Variants in HOMER2 observed in about 807,000 individuals in gnomAD.
The protein encoded by HOMER2 is homer protein homolog 2.
HOMER2 carries 27 observed loss-of-function variants against 47.0 expected under a neutral mutation model. The ratio of observed to expected loss-of-function variants is 0.57; its 90% CI spans 0.42 to 0.79. The LOEUF is 0.79. Among genes scored for constraint, HOMER2 ranks in the 30% least tolerant of loss-of-function variants. HOMER2 has a pLI of 0.00. For synonymous variants in HOMER2, 161 were observed against 163.8 expected (o/e 0.98, Z 0.13); for missense variants, 443 against 435.0 (o/e 1.02, Z -0.16).
At chr15:82,928,940 T>TAAAAAAAAAAAAAAAAAAACA (rs2053927896) in intron 1 of HOMER2, among the ~76,000 whole-genome samples, 2 of 39,942 alleles carry the variant, frequency 5.0e-5, no homozygotes, top group Non-Finnish European at 8.0e-5. Flanking sequence ...AAATAAAAAC[T>TAAAAAAAAAAAAAAAAAAACA]AAAAAAAAAA....
chr15:82,873,752 C>A (rs543325131), intron 3 of HOMER2, among the ~76,000 whole-genome samples: 1 of 152,236 alleles, frequency 6.6e-6, no homozygotes, highest in Non-Finnish European at 1.5e-5. Flanking sequence ...ACTTCTCAGG[C>A]TTCTAAGGAA....
chr15:82,873,294 A>G (rs3784374), intron 3 of HOMER2, among the ~76,000 whole-genome samples: 18,453 of 152,152 alleles, frequency 0.12, 1,371 homozygotes, highest in East Asian at 0.39. Flanking sequence ...CATCACCAGA[A>G]TAGATACTGT....
At chr15:82,879,113 T>C (rs1414457942) in intron 2 of HOMER2, among the ~76,000 whole-genome samples, 2 of 152,236 alleles carry the variant, frequency 1.3e-5, no homozygotes, top group African/African-American at 4.8e-5. Flanking sequence ...AGTTCTAGAA[T>C]GTCCATTTGG....
rs73446965 is a variant in HOMER2, at chr15:82,895,383, G to A, written c.6-2542C>T. Among the ~76,000 whole-genome samples, 9 of 152,146 alleles carry A rather than the reference G, an allele frequency of 5.9e-5. No individual in the cohort carries two copies. The South Asian group carries it at 6.2e-4, about 11-fold the overall frequency. ...CATCTGCTGTCAAGAGAGGCCAGACGACAGGGAGTGTGTGCATATCAGTGC... is the reference window on the plus strand; with the variant it reads ...CATCTGCTGTCAAGAGAGGCCAGACAACAGGGAGTGTGTGCATATCAGTGC... On this transcript the variant is annotated intron_variant, in intron 1 of 8. Transcript: ENST00000450735.
At chr15:82,870,754 T>C (rs761030979) in intron 3 of HOMER2, among the ~76,000 whole-genome samples, 1 of 152,200 alleles carries the variant, frequency 6.6e-6, no homozygotes, top group Non-Finnish European at 1.5e-5. Context: ...AGTGACTACA[T>C]GGGGACAAAT....
intron 2 of HOMER2, among the ~76,000 whole-genome samples, chr15:82,880,878 T>C (rs1048229424): frequency 3.9e-5 from 6 of 152,176 alleles, no homozygotes; most frequent in Non-Finnish European, 8.8e-5. Flanking sequence ...GCAGTACACG[T>C]GCCACAGGTG....
At chr15:82,899,953 C>T (rs545260228) in intron 1 of HOMER2, among the ~76,000 whole-genome samples, 268 of 152,058 alleles carry the variant, frequency 1.8e-3, no homozygotes, top group African/African-American at 6.2e-3. Flanking sequence ...ACCAGGGAGG[C>T]GGCGGTTGCA....
chr15:82,953,885 AAAAT>A (rs1035696677), upstream of HOMER2, among the ~76,000 whole-genome samples: 6 of 152,242 alleles, frequency 3.9e-5, no homozygotes, highest in Admixed American at 2.6e-4. Flanking sequence ...TCCGTCTCAA[AAAAT>A]AAATAAATTA....
chr15:82,844,479 A>G (rs985864456), downstream of HOMER2: 2 of 152,216 alleles, frequency 1.3e-5, no homozygotes, highest in African/African-American at 4.8e-5. Flanking sequence ...ATTAAAAGGG[A>G]TAAAAGTTAT....
intron 2 of HOMER2, among the ~76,000 whole-genome samples, chr15:82,879,586 T>G (rs770060805): frequency 2.6e-5 from 4 of 152,342 alleles, no homozygotes; most frequent in Middle Eastern, 3.4e-3. Flanking sequence ...ACCTTAATTT[T>G]AAAATATTTT....
chr15:82,919,900 GC>G (rs1225521185), intron 1 of HOMER2, among the ~76,000 whole-genome samples: 1 of 152,162 alleles, frequency 6.6e-6, no homozygotes, highest in Non-Finnish European at 1.5e-5. Context: ...AACATGACAT[GC>G]TTGTGATAAT....
Position 82,851,139 on chromosome 15 carries a change from C to A in HOMER2, c.843+12G>T. Reference sequence around the variant, plus strand: ...GTCTGAGCCAGGATGGCTGTGCCCCCAACCCACGTACCTCTAGCTTCTCAG... The same window carrying A: ...GTCTGAGCCAGGATGGCTGTGCCCCAAACCCACGTACCTCTAGCTTCTCAG... On this transcript the variant is annotated intron_variant, in intron 8 of 8. Transcript: ENST00000450735. The A allele has an allele frequency of 6.4e-7, 1 of 1,564,554 alleles. No homozygotes were observed. Among genetic ancestry groups the A allele is most frequent in the Middle Eastern group, 1.7e-4 (1 of 5,970 alleles).
chr15:82,954,025 C>G (rs1431004756), upstream of HOMER2, among the ~76,000 whole-genome samples: 1 of 151,810 alleles, frequency 6.6e-6, no homozygotes, highest in African/African-American at 2.4e-5. Flanking sequence ...TGCAGCGAGC[C>G]GAGATCATGC....
chr15:82,851,172 T>G lies in HOMER2; in HGVS notation c.822A>C (p.Glu274Asp), dbSNP rs1309720795. The G allele has an allele frequency of 6.3e-7, 1 of 1,579,928 alleles. No homozygotes were observed. Among genetic ancestry groups the G allele is most frequent in the East Asian group, 2.3e-5 (1 of 43,802 alleles). ...EIIPQLMSEC[E>D]YVSEKLEAAE... ...GTACCTCTAGCTTCTCAGAGACATA[T>G]TCGCACTCTGACATGAGCTGAGGTA... The change falls in exon 8 of 9, where the codon GAA becomes GAC. Residue 274 changes from glutamate (E) to aspartate (D), a missense_variant. Glu to Asp is a conservative substitution (Grantham distance 45, BLOSUM62 2). Coordinates refer to ENST00000450735, the MANE Select transcript of HOMER2 (RefSeq NM_004839.4).
rs56335970 is a variant in HOMER2 at position 82,843,442 on chromosome 15, C to CAAAAAA, written c.*3826_*3831dup. 120 of 20,530 alleles carry CAAAAAA rather than the reference C, an allele frequency of 5.8e-3. 3 individuals carry two copies. The highest frequency in any genetic ancestry group is 0.013 in the East Asian group (11 of 850). The allele number at this position is 20,530 out of a possible 1,614,324, so 1.3% of individuals were successfully genotyped here. A position where few individuals can be genotyped will look rare whatever the true frequency, so the allele number is the denominator to read the frequency against. On this transcript the variant is annotated 3_prime_UTR_variant, in exon 2 of 2. Coordinates refer to the HOMER2 transcript ENST00000558090. ...CTGGGGGCCAGGGTGGACCCCGTCT[C>CAAAAAA]AAAAAAAAAAAAAAAAAAAAAAAAA...
intron 1 of HOMER2, among the ~76,000 whole-genome samples, chr15:82,900,350 CAGA>C (rs372519573): frequency 1.6e-3 from 247 of 152,220 alleles, no homozygotes; most frequent in South Asian, 5.0e-3. Flanking sequence ...CTGAGGCACA[CAGA>C]AGAAAACTTT....
intron 1 of HOMER2, among the ~76,000 whole-genome samples, chr15:82,919,976 C>T (rs2053687470): frequency 6.6e-6 from 1 of 152,212 alleles, no homozygotes; most frequent in South Asian, 2.1e-4. Context: ...GCCCGTCTTC[C>T]CATAACCCTA....
chr15:82,971,387 G>A (rs1046872077), intron 1 of HOMER2, among the ~76,000 whole-genome samples: 6 of 151,772 alleles, frequency 4.0e-5, no homozygotes, highest in Admixed American at 1.3e-4. Flanking sequence ...GAGAGATAGC[G>A]AGAGAGAGAG....
chr15:82,948,741 A>G (rs2054437199), intron 1 of HOMER2, among the ~76,000 whole-genome samples: 1 of 152,244 alleles, frequency 6.6e-6, no homozygotes, highest in South Asian at 2.1e-4. Context: ...GTAAGGCAAG[A>G]AAAGGAAAGG....
Sources: allele counts gnomAD v4.1 joint callset (sites outside exome capture counted in the v4.1 genomes callset), GRCh38; gene constraint gnomAD v4.1.1; transcripts MANE v1.5; gene names NCBI Gene and HGNC (gene_info 2026-07-23, HGNC 2026-07-21).